Variants in ARHGAP36 observed in about 807,000 individuals in gnomAD.
ARHGAP36 encodes the protein rho GTPase-activating protein 36.
A neutral mutation model predicts 32.9 loss-of-function variants in ARHGAP36; 7 were observed. That is an observed-to-expected ratio of 0.21 (90% CI 0.12 to 0.40). The LOEUF (loss-of-function observed/expected upper bound fraction) is 0.40, where lower values mean the gene tolerates loss of function less well. Ranked by LOEUF, ARHGAP36 falls within the 10% of genes least tolerant of loss-of-function variation. ARHGAP36 has a pLI of 1.00. For synonymous variants in ARHGAP36, 165 were observed against 168.3 expected (o/e 0.98, Z 0.15); for missense variants, 383 against 442.2 (o/e 0.87, Z 1.20).
Position 131,081,596 on chromosome X carries a change from C to A in ARHGAP36, c.-70C>A. 1 of 1,150,610 alleles carries A rather than the reference C, an allele frequency of 8.7e-7. No homozygotes were observed. Among genetic ancestry groups the A allele is most frequent in the Non-Finnish European group, 1.2e-6 (1 of 863,840 alleles). 94.8% of individuals were successfully genotyped at this position (1,150,610 alleles called of 1,213,427 possible). On this transcript the variant is annotated 5_prime_UTR_variant, in exon 2 of 12. Coordinates refer to ENST00000276211, the MANE Select transcript of ARHGAP36 (RefSeq NM_144967.4). ...GTTTTCCCTCCCCCTCTACCCCCAC[C>A]CCCATAGTTCTCTCCACCAGGTCCA...
intron 7 of ARHGAP36, 108 bp from the exon 8 acceptor site, chrX:131,085,480 A>T: frequency 1.0e-6 from 1 of 967,438 alleles, no homozygotes; most frequent in Non-Finnish European, 1.4e-6. Context: ...ATGCCTGGGT[A>T]CTTTCTCCAT....
chrX:131,084,823 C>A (rs992918417), intron 6 of ARHGAP36, 91 bp from the exon 7 acceptor site: 1 of 1,172,669 alleles, frequency 8.5e-7, no homozygotes, highest in Non-Finnish European at 1.2e-6. Flanking sequence ...TTGCCAGCTA[C>A]CTCCACTGAA....
At position 131,075,623 on chromosome X, in the gene ARHGAP36, ATGTG is replaced by A. The variant is rs5903808; in HGVS notation, c.-142-5875_-142-5872del. 1.5e-3 allele frequency among the ~76,000 whole-genome samples: 145 copies of A among 98,134 alleles called. 1 individual carries two copies. The highest frequency in any genetic ancestry group is 4.4e-3 in the African/African-American group (117 of 26,497). 85.2% of individuals were successfully genotyped at this position (98,134 alleles called of 115,157 possible). On this transcript the variant is annotated intron_variant, in intron 1 of 11. Transcript: ENST00000276211. ...CACGCATATATATGTGTGTATATAT[ATGTG>A]TGTGTGTGTGTGTGTGTGTGTGTGT...
At chrX:131,079,927 C>G (rs1018194393) in intron 1 of ARHGAP36, among the ~76,000 whole-genome samples, 1 of 111,825 alleles carries the variant, frequency 8.9e-6, no homozygotes, top group East Asian at 2.8e-4. Context: ...GATTCGTCCC[C>G]TACTCCAGCC....
chrX:131,080,808 G>C (rs970923876), intron 1 of ARHGAP36, among the ~76,000 whole-genome samples: 5 of 111,926 alleles, frequency 4.5e-5, no homozygotes, highest in Non-Finnish European at 9.4e-5. Flanking sequence ...ATAGAGAAAA[G>C]CAACAGGCAA....
rs774360456 is a variant in ARHGAP36 at position 131,085,743 on chromosome X, A to T, written c.1104+7A>T. 1.7e-6 allele frequency: 2 copies of T among 1,210,479 alleles called. No individual in the cohort carries two copies. The highest frequency in any genetic ancestry group is 3.5e-5 in the South Asian group (2 of 56,502). On this transcript the variant is annotated splice_region_variant and intron_variant, in intron 8 of 11. Transcript: ENST00000276211. The stretch of plus-strand genomic sequence containing the variant: ...TGGCATTGATGGACAGTTGGTAAAA[A>T]GATCTTGGAAAGAGTAGTGAAAACT...
intron 1 of ARHGAP36, among the ~76,000 whole-genome samples, chrX:131,076,849 A>G (rs1039404144): frequency 1.8e-5 from 2 of 111,981 alleles, no homozygotes; most frequent in East Asian, 5.6e-4. Context: ...GAAACATTCT[A>G]ATATTATAAT....
At chrX:131,084,728 A>G (rs1466083593) in intron 6 of ARHGAP36, 47 bp downstream of exon 6, 1 of 1,200,684 alleles carries the variant, frequency 8.3e-7, no homozygotes, top group Non-Finnish European at 1.1e-6. Context: ...AAGAAAGAGC[A>G]GGAGGAGGTG....
chrX:131,063,080 T>C (rs897228187), intron 1 of ARHGAP36, among the ~76,000 whole-genome samples: 4 of 112,278 alleles, frequency 3.6e-5, no homozygotes, highest in Non-Finnish European at 5.6e-5. Flanking sequence ...GAATTTCAAC[T>C]GAAAGATGCA....
Position 131,083,159 on chromosome X carries a change from C to T in ARHGAP36, c.254-6C>T. On this transcript the variant is annotated splice_region_variant and splice_polypyrimidine_tract_variant and intron_variant, in intron 2 of 11. Coordinates refer to ENST00000276211, the MANE Select transcript of ARHGAP36 (RefSeq NM_144967.4). The stretch of plus-strand genomic sequence containing the variant: ...AGTGTATCTTTTCTTTTTTCTCTTT[C>T]TGTAGCTCTGCCTATTGACCGTCCG... 8.3e-7 allele frequency: 1 copy of T among 1,208,454 alleles called. No homozygotes were observed. The highest frequency in any genetic ancestry group is 1.1e-6 in the Non-Finnish European group (1 of 893,577).
At chrX:131,063,875 T>A (rs910987041) in intron 1 of ARHGAP36, among the ~76,000 whole-genome samples, 1 of 111,509 alleles carries the variant, frequency 9.0e-6, no homozygotes, top group Non-Finnish European at 1.9e-5. Context: ...TCACTAGTTT[T>A]GGCAAAGAGT....
intron 1 of ARHGAP36, among the ~76,000 whole-genome samples, chrX:131,061,134 T>A (rs2079665975): frequency 9.0e-6 from 1 of 111,384 alleles, no homozygotes; most frequent in Non-Finnish European, 1.9e-5. Flanking sequence ...CAGCAATTTT[T>A]TTTTTGAGGG....
intron 1 of ARHGAP36, among the ~76,000 whole-genome samples, chrX:131,077,575 C>T (rs952742697): frequency 9.1e-6 from 1 of 110,017 alleles, no homozygotes. Context: ...ACCTTTCTGA[C>T]GTTAATTTGT....
At chrX:131,087,354 A>G (rs1296382173) in intron 11 of ARHGAP36, among the ~76,000 whole-genome samples, 2 of 111,729 alleles carry the variant, frequency 1.8e-5, no homozygotes, top group Non-Finnish European at 3.8e-5. Flanking sequence ...CCCCAGAGGT[A>G]AATGGGATTT....
At chrX:131,068,535 C>G (rs1180237542) in intron 1 of ARHGAP36, among the ~76,000 whole-genome samples, 1 of 111,383 alleles carries the variant, frequency 9.0e-6, no homozygotes, top group African/African-American at 3.3e-5. Flanking sequence ...CGCGGGGACC[C>G]TGACTCAGCG....
chrX:131,079,118 A>T (rs1197481510), intron 1 of ARHGAP36, among the ~76,000 whole-genome samples: 1 of 111,891 alleles, frequency 8.9e-6, no homozygotes, highest in East Asian at 2.8e-4. Flanking sequence ...AGATATCTGG[A>T]TTGGGGAAAG....
Position 131,088,911 on chromosome X carries a change from G to A in ARHGAP36, c.*126G>A, listed in dbSNP as rs2079851533. The A allele has an allele frequency of 2.1e-6, 2 of 959,918 alleles. No individual in the cohort carries two copies. The highest frequency in any genetic ancestry group is 2.8e-6 in the Non-Finnish European group (2 of 721,111). The allele number at this position is 959,918 out of a possible 1,213,427, so 79.1% of individuals were successfully genotyped here. The stretch of plus-strand genomic sequence containing the variant: ...AAGGTAAGAAGGAGTTCCACCTGAT[G>A]CTCGGGTCAGGATGAGAATTCCAAA... On this transcript the variant is annotated 3_prime_UTR_variant, in exon 12 of 12. Coordinates refer to ENST00000276211, the MANE Select transcript of ARHGAP36 (RefSeq NM_144967.4).
chrX:131,080,745 A>G (rs12396673), intron 1 of ARHGAP36, among the ~76,000 whole-genome samples: 1 of 112,655 alleles, frequency 8.9e-6, no homozygotes, highest in Non-Finnish European at 1.9e-5. Context: ...GTTTTGGTAC[A>G]AATGATTTTT....
intron 4 of ARHGAP36, 64 bp downstream of exon 4, chrX:131,084,033 G>T (rs1008174277): frequency 8.9e-7 from 1 of 1,126,228 alleles, no homozygotes; most frequent in African/African-American, 1.8e-5. Context: ...ATGTGAGGCC[G>T]GAGGATCAAG....
Sources: allele counts gnomAD v4.1 joint callset (sites outside exome capture counted in the v4.1 genomes callset), GRCh38; gene constraint gnomAD v4.1.1; transcripts MANE v1.5; gene names NCBI Gene and HGNC (gene_info 2026-07-23, HGNC 2026-07-21).